The following POLQ variants were observed in gnomAD, a reference collection of about 807,000 sequenced individuals.
POLQ encodes epididymis secretory sperm binding protein.
Under a neutral mutation model 259.2 loss-of-function variants are expected in POLQ, and 233 were observed. That is an observed-to-expected ratio of 0.90 (90% CI 0.81 to 1.00). POLQ has a LOEUF of 1.00. POLQ is among the 50% of genes least tolerant of loss of function. The probability of loss-of-function intolerance (pLI) is 0.00; values close to 1 mark genes in which losing one functional copy is unlikely to be tolerated. For synonymous variants in POLQ, 1,025 were observed against 1,048.8 expected (o/e 0.98, Z 0.44); for missense variants, 2,871 against 3,051.6 (o/e 0.94, Z 1.39).
Position 121,489,080 on chromosome 3 carries a change from T to G in POLQ, c.3851A>C (p.Asn1284Thr), listed in dbSNP as rs2048040305. The G allele has an allele frequency of 6.2e-7, 1 of 1,613,618 alleles. No individual in the cohort carries two copies. The stretch of plus-strand genomic sequence containing the variant: ...TTGTAGTCTAGAAATATTTAGAAAA[T>G]TCTCATGCTGGCCTTCTGATTTGCT... ...AFSKSEGQHENFLNISRLQEK... is the reference protein window; with the variant it reads ...AFSKSEGQHETFLNISRLQEK... The change falls in exon 16 of 30, where the codon AAT (asparagine) becomes ACT (threonine). Residue 1284 changes from asparagine (N) to threonine (T), a missense_variant. This residue lies in a region of POLQ where 2,080 missense variants were observed against 2,126.0 expected (regional missense o/e 0.98). Transcript: ENST00000264233.
At chr3:121,499,067 C>G (rs991236220) in intron 12 of POLQ, among the ~76,000 whole-genome samples, 4 of 151,926 alleles carry the variant, frequency 2.6e-5, no homozygotes, top group African/African-American at 9.7e-5. Flanking sequence ...GGCAACAGAG[C>G]AAGACTCCAT....
In POLQ at chr3:121,487,605, A is replaced by T; in HGVS notation, c.5326T>A (p.Ser1776Thr). ...LQPGESYLFG[S>T]PSDIKNHDLS... ...TCGTGGTTTTTAATATCTGAAGGTG[A>T]GCCAAATAAATAACTTTCACCAGGT... The change falls in exon 16 of 30, where the codon TCA (serine) becomes ACA (threonine). Residue 1776 changes from serine (S) to threonine (T), a missense_variant. Around this residue, in one of 3 missense-constraint regions of POLQ, gnomAD observed 2,080 missense variants for 2,126.0 expected, o/e 0.98. Coordinates refer to ENST00000264233, the MANE Select transcript of POLQ (RefSeq NM_199420.4). The T allele has an allele frequency of 6.2e-7, 1 of 1,614,070 alleles. No individual in the cohort carries two copies. The highest frequency in any genetic ancestry group is 8.5e-7 in the Non-Finnish European group (1 of 1,179,974).
At chr3:121,535,305 A>C (rs1019300798) in intron 5 of POLQ, among the ~76,000 whole-genome samples, 1 of 152,230 alleles carries the variant, frequency 6.6e-6, no homozygotes, top group Non-Finnish European at 1.5e-5. Flanking sequence ...ATTGTTTACA[A>C]AGGATGAAAA....
Position 121,489,127 on chromosome 3 carries a change from T to C in POLQ, c.3804A>G (p.Val1268=). 3 of 1,613,838 alleles carry C rather than the reference T, an allele frequency of 1.9e-6. No individual in the cohort carries two copies. The highest frequency in any genetic ancestry group is 2.5e-6 in the Non-Finnish European group (3 of 1,179,754). ...TGCTAAATGCTCCAGCTGATGGAAG[T>C]ACTTCACTGGGTATCACAGTTCTGC... ...DISRTVIPSE[V]LPSAGAFSKS... Residue 1268 remains valine (V), a synonymous_variant, in exon 16 of 30, where the codon GTA becomes GTG. Transcript: ENST00000264233.
At chr3:121,533,315 A>G (rs537849300) in intron 5 of POLQ, 106 bp from the exon 6 acceptor site, 1 of 615,256 alleles carries the variant, frequency 1.6e-6, no homozygotes, top group Non-Finnish European at 2.6e-6. Context: ...ACATGCATAC[A>G]TTTCTTTAGG....
intron 7 of POLQ, 120 bp from the exon 8 acceptor site, chr3:121,522,269 T>A (rs1019004765): frequency 1.0e-4 from 26 of 250,546 alleles, no homozygotes; most frequent in Non-Finnish European, 1.8e-4. Flanking sequence ...GCATACTATA[T>A]AATCCCCTGG....
Position 121,537,174 on chromosome 3 carries a change from TC to T in POLQ, c.665del (p.Gly222GlufsTer13). 6.2e-7 allele frequency: 1 copy of T among 1,603,788 alleles called. No homozygotes were observed. The highest frequency in any genetic ancestry group is 8.5e-7 in the Non-Finnish European group (1 of 1,171,020). ...MVVVDELHML[G>X]DSHRGYLLEL... Reference sequence around the variant, plus strand: ...CCAGCAGATACCCTCGGTGAGAGTCTCCCAGCATATGTAATTCATCCACAAC... The same window carrying T: ...CCAGCAGATACCCTCGGTGAGAGTCTCCAGCATATGTAATTCATCCACAAC... On this transcript the variant is annotated frameshift_variant, in exon 5 of 30. Coordinates refer to ENST00000264233, the MANE Select transcript of POLQ (RefSeq NM_199420.4). LOFTEE classifies it high-confidence loss of function.
At chr3:121,453,586 G>A (rs1353003369) in intron 25 of POLQ, among the ~76,000 whole-genome samples, 1 of 152,222 alleles carries the variant, frequency 6.6e-6, no homozygotes, top group Admixed American at 6.5e-5. Flanking sequence ...AGAACTACGT[G>A]AAGAATGCAG....
intron 2 of POLQ, among the ~76,000 whole-genome samples, chr3:121,542,877 C>T (rs1372344522): frequency 6.6e-6 from 1 of 151,982 alleles, no homozygotes; most frequent in African/African-American, 2.4e-5. Context: ...ATTCCAGCTA[C>T]TCCGGAGGCT....
chr3:121,509,817 T>C lies in POLQ; in HGVS notation c.1817-114A>G, dbSNP rs184457795. 1.1e-5 allele frequency: 12 copies of C among 1,053,626 alleles called. No individual in the cohort carries two copies. In the East Asian group the frequency reaches 2.5e-4, roughly 22 times the overall value. 65.3% of individuals were successfully genotyped at this position (1,053,626 alleles called of 1,614,324 possible). A position where few individuals can be genotyped will look rare whatever the true frequency, so the allele number is the denominator to read the frequency against. On this transcript the variant is annotated intron_variant, in intron 11 of 29. Transcript: ENST00000264233. ...CCTCCCGGCTGATAAATTTTACAAA[T>C]AGTACCTTATCCAGAGCATGAAAAT...
Position 121,509,542 on chromosome 3 carries a change from T to C in POLQ, c.1959+19A>G, listed in dbSNP as rs72969999. The C allele has an allele frequency of 1.5e-3, 2,437 of 1,592,836 alleles. 36 individuals are homozygous for C. The African/African-American group carries it at 0.03, about 20-fold the overall frequency. ...TTTCTCCCTATTTTCACAAACATAA[T>C]TGTTAAAACAGAACTTACCAGATAG... is the stretch of plus-strand genomic sequence containing the variant. On this transcript the variant is annotated intron_variant, in intron 12 of 29. Coordinates refer to ENST00000264233, the MANE Select transcript of POLQ (RefSeq NM_199420.4).
Position 121,489,155 on chromosome 3 carries a change from A to T in POLQ, c.3776T>A (p.Ile1259Lys). The T allele has an allele frequency of 1.2e-6, 2 of 1,613,716 alleles. No homozygotes were observed. The highest frequency in any genetic ancestry group is 1.7e-6 in the Non-Finnish European group (2 of 1,179,926). Residue 1259 changes from isoleucine (I) to lysine (K), a missense_variant, in exon 16 of 30, where the codon ATA becomes AAA. By Grantham distance (102) the Ile-to-Lys change is moderately radical. Around this residue, in one of 3 missense-constraint regions of POLQ, gnomAD observed 2,080 missense variants for 2,126.0 expected, o/e 0.98. Transcript: ENST00000264233. ...PSHFQALGDD[I>K]SRTVIPSEVL... ...TTCACTGGGTATCACAGTTCTGCTT[A>T]TATCATCTCCTAATGCCTGAAAATG...
chr3:121,524,279 C>T (rs962428530), intron 7 of POLQ, among the ~76,000 whole-genome samples: 1 of 152,072 alleles, frequency 6.6e-6, no homozygotes, highest in Non-Finnish European at 1.5e-5. Context: ...AACAGCCTAG[C>T]CAATATAAAC....
intron 21 of POLQ, among the ~76,000 whole-genome samples, chr3:121,472,416 G>GT (rs1160992874): frequency 6.6e-6 from 1 of 152,120 alleles, no homozygotes; most frequent in Non-Finnish European, 1.5e-5. Context: ...TGAATTGTCA[G>GT]TTTAACAAAG....
chr3:121,524,622 G>A (rs1269352703), intron 7 of POLQ, among the ~76,000 whole-genome samples: 1 of 151,838 alleles, frequency 6.6e-6, no homozygotes, highest in East Asian at 1.9e-4. Context: ...AGATACAAAA[G>A]ACACATACAT....
In POLQ at chr3:121,488,874, T is replaced by A. The variant is rs3218631; in HGVS notation, c.4057A>T (p.Ile1353Leu). ...TGTTGGACTAAGCTCTTCTGCATTA[T>A]CCCTGCTGCCAGGTTGGTGTCCTTT... ...GAKDTNLAAG[I>L]MQKSLVQQNS... is the part of the protein sequence containing the mutation. Residue 1353 changes from isoleucine to leucine, a missense_variant, in exon 16 of 30, where the codon ATA becomes TTA. Transcript: ENST00000264233. The A allele has an allele frequency of 4.3e-6, 7 of 1,614,156 alleles. No homozygotes were observed. The East Asian group carries it at 1.6e-4, about 36-fold the overall frequency.
chr3:121,506,886 C>T (rs1381314468), intron 12 of POLQ, among the ~76,000 whole-genome samples: 3 of 151,054 alleles, frequency 2.0e-5, no homozygotes, highest in African/African-American at 7.3e-5. Context: ...ATAGAATAAA[C>T]AACGGTACAT....
chr3:121,461,386 C>T (rs1173103613), intron 24 of POLQ, among the ~76,000 whole-genome samples: 1 of 152,190 alleles, frequency 6.6e-6, no homozygotes, highest in Non-Finnish European at 1.5e-5. Flanking sequence ...GGCACAGTGT[C>T]TCATGCCTGT....
At chr3:121,519,025 T>C (rs1007021304) in intron 9 of POLQ, among the ~76,000 whole-genome samples, 1 of 152,064 alleles carries the variant, frequency 6.6e-6, no homozygotes, top group African/African-American at 2.4e-5. Flanking sequence ...AAAACAATCA[T>C]AACTTGCTGA....
Sources: gnomAD v4.1 joint callset for allele counts (sites outside exome capture counted in the v4.1 genomes callset) on GRCh38, gnomAD v4.1.1 for gene constraint, gnomAD v4.1.1 regional missense constraint, MANE v1.5 for transcripts, NCBI Gene and HGNC (gene_info 2026-07-23, HGNC 2026-07-21) for gene names.